The following PTPRD variants were observed in gnomAD, a reference collection of about 807,000 sequenced individuals.
PTPRD encodes the protein receptor-type tyrosine-protein phosphatase delta.
In PTPRD, 34 loss-of-function variants were observed where a neutral mutation model predicts 214.5. The ratio of observed to expected loss-of-function variants is 0.16; its 90% CI spans 0.12 to 0.21. The LOEUF is 0.21. Among genes scored for constraint, PTPRD ranks in the 10% least tolerant of loss-of-function variants. The pLI is 1.00. For synonymous variants in PTPRD, 1,128 were observed against 845.7 expected (o/e 1.33, Z -5.79); for missense variants, 2,545 against 2,398.7 (o/e 1.06, Z -1.27).
At chr9:8,340,863 T>A (rs1415861646) in intron 41 of PTPRD, among the ~76,000 whole-genome samples, 1 of 152,030 alleles carries the variant, frequency 6.6e-6, no homozygotes, top group African/African-American at 2.4e-5. Flanking sequence ...TACTTACATA[T>A]CCAATTGGCT....
intron 4 of PTPRD, among the ~76,000 whole-genome samples, chr9:9,958,401 C>T (rs2094117033): frequency 6.6e-6 from 1 of 151,906 alleles, no homozygotes; most frequent in Non-Finnish European, 1.5e-5. Flanking sequence ...CGTGGTGGCA[C>T]GCACCTGTAA....
At chr9:9,965,722 T>G (rs117321491) in intron 4 of PTPRD, among the ~76,000 whole-genome samples, 5,049 of 152,224 alleles carry the variant, frequency 0.033, 131 homozygotes, top group Middle Eastern at 0.075. Flanking sequence ...GTTGGGTAAG[T>G]GTTGTAAGCC....
intron 9 of PTPRD, among the ~76,000 whole-genome samples, chr9:9,245,117 CATT>C (rs1348514834): frequency 1.3e-5 from 2 of 152,114 alleles, no homozygotes; most frequent in Non-Finnish European, 2.9e-5. Context: ...GAATGGCAAT[CATT>C]AAAATGTCAG....
Position 8,909,146 on chromosome 9 carries a change from T to C in PTPRD, c.-104+109551A>G, listed in dbSNP as rs557175090. 4.2e-4 allele frequency among the ~76,000 whole-genome samples: 64 copies of C among 152,112 alleles called. 1 individual carries two copies. In the South Asian group the frequency reaches 9.1e-3, roughly 22 times the overall value. ...ATTCAGCTGGGAATTAAAAATCTTCTCATAAAGATAAGCCCAAGATCACAT... is the reference window on the plus strand; with the variant it reads ...ATTCAGCTGGGAATTAAAAATCTTCCCATAAAGATAAGCCCAAGATCACAT... On this transcript the variant is annotated intron_variant, in intron 11 of 45. Coordinates refer to ENST00000381196, the MANE Select transcript of PTPRD (RefSeq NM_002839.4).
At chr9:9,656,591 A>T (rs977110157) in intron 7 of PTPRD, among the ~76,000 whole-genome samples, 1 of 152,188 alleles carries the variant, frequency 6.6e-6, no homozygotes, top group Non-Finnish European at 1.5e-5. Context: ...TGATATATTT[A>T]AAAGATCCAT....
rs397836899 is a variant in PTPRD at position 9,989,016 on chromosome 9, C to CAAAA, written c.-472+44698_-472+44701dup. Among the ~76,000 whole-genome samples, 94 of 36,270 alleles carry CAAAA rather than the reference C, an allele frequency of 2.6e-3. 22 individuals carry two copies. The highest frequency in any genetic ancestry group is 3.9e-3 in the African/African-American group (51 of 13,050). 23.8% of individuals were successfully genotyped at this position (36,270 alleles called of 152,430 possible). On this transcript the variant is annotated intron_variant, in intron 4 of 45. Coordinates refer to ENST00000381196, the MANE Select transcript of PTPRD (RefSeq NM_002839.4). ...CAGAAGAGCCCTTAGTTTCACTGAC[C>CAAAA]AAAAAAAAAAAAAAAAAAAAAAAAA...
At chr9:10,171,839 G>T (rs1451103559) in intron 3 of PTPRD, among the ~76,000 whole-genome samples, 1 of 151,996 alleles carries the variant, frequency 6.6e-6, no homozygotes, top group African/African-American at 2.4e-5. Context: ...ATCTTTATTA[G>T]CAGTGTGAAA....
intron 11 of PTPRD, among the ~76,000 whole-genome samples, chr9:8,745,013 T>A (rs1007993046): frequency 4.6e-5 from 7 of 152,256 alleles, no homozygotes; most frequent in Non-Finnish European, 4.4e-5. Context: ...CAAAATACAC[T>A]CTTCACTTCT....
intron 8 of PTPRD, among the ~76,000 whole-genome samples, chr9:9,482,485 T>C (rs1270329884): frequency 1.3e-5 from 2 of 152,202 alleles, no homozygotes; most frequent in Admixed American, 6.5e-5. Context: ...TTTGAAGAAT[T>C]GTTCTTTTCT....
intron 9 of PTPRD, among the ~76,000 whole-genome samples, chr9:9,359,303 C>G (rs1267427073): frequency 1.3e-5 from 2 of 151,204 alleles, no homozygotes; most frequent in Non-Finnish European, 3.0e-5. Flanking sequence ...TTAGCTGAAG[C>G]TATTTATGAT....
chr9:8,456,957 T>C (rs567828216), intron 33 of PTPRD, among the ~76,000 whole-genome samples: 3 of 152,338 alleles, frequency 2.0e-5, no homozygotes, highest in South Asian at 2.1e-4. Flanking sequence ...ATTTTTTATA[T>C]AAATAATTCT....
chr9:10,519,546 G>A (rs2051437848), intron 2 of PTPRD, among the ~76,000 whole-genome samples: 1 of 152,000 alleles, frequency 6.6e-6, no homozygotes, highest in Non-Finnish European at 1.5e-5. Flanking sequence ...TGAGTATAAT[G>A]TGTCTTAGCA....
At chr9:10,473,748 A>G (rs1255977694) in intron 2 of PTPRD, among the ~76,000 whole-genome samples, 1 of 152,108 alleles carries the variant, frequency 6.6e-6, no homozygotes, top group Non-Finnish European at 1.5e-5. Context: ...TTAAAGAGAC[A>G]TTTAGGGAGG....
At chr9:8,720,530 A>G (rs1267753327) in intron 12 of PTPRD, among the ~76,000 whole-genome samples, 3 of 152,240 alleles carry the variant, frequency 2.0e-5, no homozygotes, top group Non-Finnish European at 4.4e-5. Context: ...AAAAAGTGAC[A>G]ACATGATCAC....
At chr9:8,959,417 C>G (rs533105214) in intron 11 of PTPRD, among the ~76,000 whole-genome samples, 2 of 151,814 alleles carry the variant, frequency 1.3e-5, no homozygotes, top group South Asian at 4.2e-4. Flanking sequence ...ACATGTAAGT[C>G]CTGGACAAAA....
chr9:10,320,562 A>G (rs191321941), intron 3 of PTPRD, among the ~76,000 whole-genome samples: 44 of 152,064 alleles, frequency 2.9e-4, no homozygotes, highest in African/African-American at 1.0e-3. Context: ...TTATTACCCA[A>G]AGAATTCAAT....
chr9:9,040,158 A>G (rs1169515742), intron 10 of PTPRD, among the ~76,000 whole-genome samples: 2 of 152,220 alleles, frequency 1.3e-5, no homozygotes, highest in Non-Finnish European at 2.9e-5. Context: ...GGAAAGGGCT[A>G]TGAAACTCAA....
intron 39 of PTPRD, among the ~76,000 whole-genome samples, chr9:8,344,529 A>T (rs1324042547): frequency 6.6e-6 from 1 of 152,062 alleles, no homozygotes; most frequent in Admixed American, 6.6e-5. Context: ...ATGAAAAGAA[A>T]TAACAGAGGC....
chr9:9,025,331 G>T (rs1453617943), intron 10 of PTPRD, among the ~76,000 whole-genome samples: 2 of 151,986 alleles, frequency 1.3e-5, no homozygotes, highest in Non-Finnish European at 2.9e-5. Flanking sequence ...GTTCTGATAA[G>T]CTGACCAATG....
Sources: allele counts gnomAD v4.1 joint callset (sites outside exome capture counted in the v4.1 genomes callset), GRCh38; gene constraint gnomAD v4.1.1; transcripts MANE v1.5; gene names NCBI Gene and HGNC (gene_info 2026-07-23, HGNC 2026-07-21).